OR14I1: variants seen among roughly 807,000 people sequenced by gnomAD.
OR14I1 encodes the protein olfactory receptor 14I1.
For missense variants in OR14I1, 279 were observed against 181.8 expected (o/e 1.53, Z -3.07); for synonymous variants, 118 against 71.1 (o/e 1.66, Z -3.32).
the OR14I1 span, among the ~76,000 whole-genome samples, chr1:248,701,131 A>G: frequency 2.6e-5 from 4 of 152,180 alleles, no homozygotes; most frequent in Admixed American, 1.3e-4. Context: ...TTACAAGACA[A>G]ACAATAATGA....
At chr1:248,691,954 G>A in the OR14I1 span, among the ~76,000 whole-genome samples, 5 of 152,194 alleles carry the variant, frequency 3.3e-5, no homozygotes, top group Admixed American at 2.0e-4. Flanking sequence ...AGTCCCAGGT[G>A]CCTCCAGAGG....
the OR14I1 span, among the ~76,000 whole-genome samples, chr1:248,691,218 C>T: frequency 6.6e-6 from 1 of 152,188 alleles, no homozygotes; most frequent in African/African-American, 2.4e-5. Flanking sequence ...AGAAGGGACC[C>T]TTCATTCATT....
chr1:248,693,898 T>TA, the OR14I1 span, among the ~76,000 whole-genome samples: 17 of 148,640 alleles, frequency 1.1e-4, no homozygotes, highest in East Asian at 1.2e-3. Flanking sequence ...CCAGAACTTT[T>TA]TAAAAAAAAA....
chr1:248,694,043 A>G, the OR14I1 span, among the ~76,000 whole-genome samples: 35 of 152,164 alleles, frequency 2.3e-4, no homozygotes, highest in Non-Finnish European at 4.1e-4. Context: ...TTGCCTTGGG[A>G]CATCAGGGCC....
the OR14I1 span, among the ~76,000 whole-genome samples, chr1:248,701,859 G>A: frequency 6.6e-6 from 1 of 152,106 alleles, no homozygotes; most frequent in Admixed American, 6.6e-5. Context: ...CTGCTATAAA[G>A]AACTACCTGA....
upstream of OR14I1, among the ~76,000 whole-genome samples, chr1:248,687,114 C>T (rs895087508): frequency 2.6e-5 from 4 of 151,870 alleles, no homozygotes; most frequent in African/African-American, 7.3e-5. Context: ...ACTCAGAGTC[C>T]GTGAGGAAGT....
chr1:248,681,173 T>C (rs145090094), downstream of OR14I1, among the ~76,000 whole-genome samples: 204 of 152,234 alleles, frequency 1.3e-3, 2 homozygotes, highest in African/African-American at 4.7e-3. Flanking sequence ...CTTTTATACT[T>C]TTAGTTTTTG....
downstream of OR14I1, among the ~76,000 whole-genome samples, chr1:248,678,229 G>C (rs560254141): frequency 6.6e-6 from 1 of 152,170 alleles, no homozygotes; most frequent in African/African-American, 2.4e-5. Flanking sequence ...ATAAGCTAAG[G>C]TATCTAATGT....
chr1:248,682,226 C>G (rs147758863), exon 1 of OR14I1: 1 of 780,042 alleles, frequency 1.3e-6, no homozygotes, highest in African/African-American at 1.7e-5. Flanking sequence ...AGAAACAGCC[C>G]GGCGTGCAGC....
At chr1:248,686,393 C>G (rs1041113381), upstream of OR14I1, among the ~76,000 whole-genome samples, 8 of 152,172 alleles carry the variant, frequency 5.3e-5, no homozygotes, top group African/African-American at 1.9e-4. Flanking sequence ...GTAGTTTTCT[C>G]TGAGTGGCCT....
chr1:248,698,370 T>A, the OR14I1 span, among the ~76,000 whole-genome samples: 1 of 152,186 alleles, frequency 6.6e-6, no homozygotes, highest in East Asian at 1.9e-4. Context: ...CAGTCGTAGC[T>A]TTTTTATGGC....
At chr1:248,693,109 A>G in the OR14I1 span, among the ~76,000 whole-genome samples, 1 of 152,202 alleles carries the variant, frequency 6.6e-6, no homozygotes, top group Non-Finnish European at 1.5e-5. Context: ...GGGAGGAGTC[A>G]TTCAGTTAGT....
At chr1:248,684,737 TTTA>T (rs1369358051), upstream of OR14I1, among the ~76,000 whole-genome samples, 1 of 130,516 alleles carries the variant, frequency 7.7e-6, no homozygotes, top group Non-Finnish European at 1.6e-5. Context: ...CAGTGCATTA[TTTA>T]TAAATACACA....
At chr1:248,683,573 A>G (rs1270292546), upstream of OR14I1, among the ~76,000 whole-genome samples, 2 of 152,252 alleles carry the variant, frequency 1.3e-5, no homozygotes, top group Non-Finnish European at 2.9e-5. Context: ...GGTAGAACCT[A>G]TGTTTTATGA....
chr1:248,682,253 T>C, exon 1 of OR14I1: 1 of 770,540 alleles, frequency 1.3e-6, no homozygotes, highest in Non-Finnish European at 2.4e-6. Flanking sequence ...AGCTCCCAGA[T>C]ACCAGAAAAC....
upstream of OR14I1, among the ~76,000 whole-genome samples, chr1:248,684,851 A>G (rs1661620513): frequency 2.8e-5 from 1 of 35,828 alleles, no homozygotes; most frequent in African/African-American, 3.8e-5. Flanking sequence ...GGGGTAGCGG[A>G]GGGAAAAAAT....
At chr1:248,701,516 G>C in the OR14I1 span, among the ~76,000 whole-genome samples, 1 of 152,148 alleles carries the variant, frequency 6.6e-6, no homozygotes, top group South Asian at 2.1e-4. Flanking sequence ...TAAAGTGGCT[G>C]TAAAAACTAT....
chr1:248,695,264 C>T, the OR14I1 span, among the ~76,000 whole-genome samples: 21 of 129,862 alleles, frequency 1.6e-4, 1 homozygote, highest in African/African-American at 5.1e-4. Flanking sequence ...GAGGGAGTCT[C>T]GCTCTGTCGC....
At chr1:248,679,464 A>G (rs1661524395), downstream of OR14I1, among the ~76,000 whole-genome samples, 1 of 151,956 alleles carries the variant, frequency 6.6e-6, no homozygotes, top group Non-Finnish European at 1.5e-5. Flanking sequence ...GCTATATTAT[A>G]CTATGTGCTT....
Sources: gnomAD v4.1 joint callset for allele counts (sites outside exome capture counted in the v4.1 genomes callset) on GRCh38, gnomAD v4.1.1 for gene constraint, MANE v1.5 for transcripts, NCBI Gene and HGNC (gene_info 2026-07-23, HGNC 2026-07-21) for gene names.